EML5: variants seen among roughly 807,000 people sequenced by gnomAD.
EML5 encodes echinoderm microtubule-associated protein-like 5.
A neutral mutation model predicts 250.0 loss-of-function variants in EML5; 120 were observed. The observed-to-expected ratio is 0.48, with a 90% CI of 0.41 to 0.56. The LOEUF (loss-of-function observed/expected upper bound fraction) is 0.56. Ranked by LOEUF, EML5 falls within the 20% of genes least tolerant of loss-of-function variation. The pLI is 0.00. For synonymous variants in EML5, 771 were observed against 806.5 expected, an observed-to-expected ratio of 0.96 and a Z score of 0.75; for missense variants, 2,006 against 2,437.6, an observed-to-expected ratio of 0.82 and a Z score of 3.73.
At chr14:88,661,099 C>T (rs2092083633) in intron 25 of EML5, among the ~76,000 whole-genome samples, 1 of 152,110 alleles carries the variant, frequency 6.6e-6, no homozygotes, top group African/African-American at 2.4e-5. Flanking sequence ...GAATGTGTCT[C>T]TCTCTCTGAC....
chr14:88,726,817 C>T, intron 7 of EML5, 139 bp from the exon 8 acceptor site: 2 of 668,600 alleles, frequency 3.0e-6, no homozygotes, highest in Non-Finnish European at 4.7e-6. Context: ...AAATTCTTAT[C>T]TATGAAAATG....
rs1324970036 is a variant in EML5 at position 88,792,806 on chromosome 14, C to T, written c.-303G>A. The T allele has an allele frequency of 4.2e-6, 4 of 960,056 alleles. No individual in the cohort carries two copies. Among genetic ancestry groups the T allele is most frequent in the Non-Finnish European group, 5.0e-6 (4 of 802,246 alleles). 59.5% of individuals were successfully genotyped at this position (960,056 alleles called of 1,614,324 possible). A position where few individuals can be genotyped will look rare whatever the true frequency, so the allele number is the denominator to read the frequency against. ...TCTCCTCAGCCCGTAGCGCCTGGGC[C>T]GAGAGCGAGGGCCCGCCTCCAGCTC... is the stretch of plus-strand genomic sequence containing the variant. On this transcript the variant is annotated 5_prime_UTR_variant, in exon 1 of 44. Transcript: ENST00000554922. This position sits in a 1 kb window ranked among gnomAD's most constrained non-coding sequence, Gnocchi z 6.9.
At chr14:88,730,746 C>A (rs563785775) in intron 7 of EML5, among the ~76,000 whole-genome samples, 1 of 152,218 alleles carries the variant, frequency 6.6e-6, no homozygotes, top group South Asian at 2.1e-4. Context: ...TATTCAAAAT[C>A]ATTGAGAAAA....
At chr14:88,616,292 C>G in intron 42 of EML5, 50 bp from the exon 43 acceptor site, 2 of 1,544,540 alleles carry the variant, frequency 1.3e-6, no homozygotes, top group Non-Finnish European at 1.8e-6. Context: ...ACACAGAAGT[C>G]AAAGGCTCTT....
chr14:88,619,413 C>T (rs988471093), intron 39 of EML5: 4 of 152,330 alleles, frequency 2.6e-5, no homozygotes, highest in African/African-American at 9.7e-5. Context: ...GGCGGGGTCT[C>T]ACTATGGTCC....
At chr14:88,722,809 T>C (rs1403529218) in intron 8 of EML5, among the ~76,000 whole-genome samples, 1 of 152,132 alleles carries the variant, frequency 6.6e-6, no homozygotes, top group Non-Finnish European at 1.5e-5. Context: ...GGTTAATACC[T>C]AGGTGATGGG....
At chr14:88,629,933 A>G (rs1595275653) in intron 33 of EML5, among the ~76,000 whole-genome samples, 1 of 151,936 alleles carries the variant, frequency 6.6e-6, no homozygotes, top group South Asian at 2.1e-4. Flanking sequence ...GTGTCTCTTT[A>G]AATTTTTAAT....
intron 21 of EML5, among the ~76,000 whole-genome samples, chr14:88,670,229 A>G (rs1227818368): frequency 6.6e-6 from 1 of 150,490 alleles, no homozygotes; most frequent in Non-Finnish European, 1.5e-5. Context: ...GCTGAGGCAG[A>G]GAATTGCTTG....
At chr14:88,728,892 G>A (rs2093709193) in intron 7 of EML5, among the ~76,000 whole-genome samples, 1 of 151,730 alleles carries the variant, frequency 6.6e-6, no homozygotes, top group Admixed American at 6.6e-5. Context: ...TAATAAATAG[G>A]CATCTACCCC....
At chr14:88,717,095 T>C (rs2093508620) in intron 8 of EML5, among the ~76,000 whole-genome samples, 1 of 152,204 alleles carries the variant, frequency 6.6e-6, no homozygotes, top group African/African-American at 2.4e-5. Context: ...AAGAATCATT[T>C]CTAGCTGAGT....
chr14:88,688,541 TC>T, intron 17 of EML5, 68 bp from the exon 18 acceptor site: 1 of 1,501,682 alleles, frequency 6.7e-7, no homozygotes, highest in Admixed American at 1.7e-5. Context: ...AAGCAAAGTT[TC>T]TTTTCTACTG....
chr14:88,650,629 A>AT (rs201532947), intron 27 of EML5, among the ~76,000 whole-genome samples: 6 of 151,442 alleles, frequency 4.0e-5, no homozygotes, highest in Admixed American at 1.3e-4. Flanking sequence ...ATTGTTTTTA[A>AT]TTTTTTTTTC....
chr14:88,771,071 T>C (rs1372455906), intron 1 of EML5, among the ~76,000 whole-genome samples: 1 of 152,224 alleles, frequency 6.6e-6, no homozygotes, highest in Admixed American at 6.5e-5. Flanking sequence ...TGAGCTATCA[T>C]CTTCCTCATA....
At chr14:88,672,257 A>G (rs1302673089) in intron 21 of EML5, among the ~76,000 whole-genome samples, 1 of 152,170 alleles carries the variant, frequency 6.6e-6, no homozygotes, top group Non-Finnish European at 1.5e-5. Flanking sequence ...TTAAAACCAC[A>G]TAACTACACA....
chr14:88,695,453 C>T lies in EML5; in HGVS notation c.2346G>A (p.Ala782=), dbSNP rs200896608. The change falls in exon 16 of 44, where the codon GCG becomes GCA. Residue 782 remains alanine (A), a splice_region_variant and synonymous_variant. Coordinates refer to ENST00000554922, the MANE Select transcript of EML5 (RefSeq NM_183387.3). ...QYGVSAVDFS[A]DGKRLASVGI... ...CAACTGATGCCAAACGTTTCCCATC[C>T]GCTGTGGAAAATTAATGAGAGAGAT... 263 of 1,610,468 alleles carry T rather than the reference C, an allele frequency of 1.6e-4. No homozygotes were observed. The highest frequency in any genetic ancestry group is 2.0e-4 in the Non-Finnish European group (237 of 1,178,478).
At chr14:88,670,982 A>G (rs2092448580) in intron 21 of EML5, among the ~76,000 whole-genome samples, 1 of 152,184 alleles carries the variant, frequency 6.6e-6, no homozygotes, top group South Asian at 2.1e-4. Context: ...TGTAAAACGT[A>G]CTTCAGGATA....
intron 8 of EML5, among the ~76,000 whole-genome samples, chr14:88,722,776 A>AT (rs1460023798): frequency 6.6e-6 from 1 of 152,148 alleles, no homozygotes; most frequent in African/African-American, 2.4e-5. Context: ...ATAAAAAAAA[A>AT]TTTGCAACCC....
rs557047220 is a variant in EML5 at position 88,622,111 on chromosome 14, G to T, written c.5013+493C>A. The T allele has an allele frequency of 4.3e-5, 10 of 233,446 alleles. No individual in the cohort carries two copies. The South Asian group carries it at 5.6e-4, about 13-fold the overall frequency. 14.5% of individuals were successfully genotyped at this position (233,446 alleles called of 1,614,324 possible). A position where few individuals can be genotyped will look rare whatever the true frequency, so the allele number is the denominator to read the frequency against. ...GATCAACTTTTTTAGTTTCTGCACAGGAGTGAGAACATGTATTTATCTTTC... is the reference window on the plus strand; with the variant it reads ...GATCAACTTTTTTAGTTTCTGCACATGAGTGAGAACATGTATTTATCTTTC... On this transcript the variant is annotated intron_variant, in intron 37 of 43. Coordinates refer to ENST00000554922, the MANE Select transcript of EML5 (RefSeq NM_183387.3).
chr14:88,633,494 T>C (rs1257330010), intron 33 of EML5, among the ~76,000 whole-genome samples: 1 of 152,216 alleles, frequency 6.6e-6, no homozygotes, highest in Non-Finnish European at 1.5e-5. Flanking sequence ...ATTTTTGTTT[T>C]TTGTACCCTT....
Sources: gnomAD v4.1 joint callset for allele counts (sites outside exome capture counted in the v4.1 genomes callset) on GRCh38, gnomAD v4.1.1 for gene constraint, Gnocchi (gnomAD v3.1) non-coding constraint, MANE v1.5 for transcripts, NCBI Gene and HGNC (gene_info 2026-07-23, HGNC 2026-07-21) for gene names.